JRK: variants seen among roughly 807,000 people sequenced by gnomAD.
JRK encodes Jrk helix-turn-helix protein, also known as jerky protein homolog.
For missense variants in JRK, 720 were observed against 509.2 expected (o/e 1.41, Z -3.98); for synonymous variants, 303 against 218.1 (o/e 1.39, Z -3.43).
chr8:142,664,347 A>G lies in JRK; in HGVS notation c.*5T>C, dbSNP rs782065338. 2.0e-5 allele frequency: 31 copies of G among 1,549,474 alleles called. No homozygotes were observed. The highest frequency in any genetic ancestry group is 2.4e-5 in the Non-Finnish European group (28 of 1,144,300). On this transcript the variant is annotated 3_prime_UTR_variant, in exon 2 of 2. Transcript: ENST00000612905. The stretch of plus-strand genomic sequence containing the variant: ...GCCAGTGGCCAGGGCAGGGCAGAGA[A>G]GCCATCAGTTGTCACCTGCTGTGGA...
intron 1 of JRK, among the ~76,000 whole-genome samples, chr8:142,668,320 C>T (rs1847196164): frequency 6.6e-6 from 1 of 152,212 alleles, no homozygotes; most frequent in Non-Finnish European, 1.5e-5. Flanking sequence ...GGCTTGTTGG[C>T]TGCCACCTCT....
chr8:142,647,811 G>A, the JRK span, among the ~76,000 whole-genome samples: 1 of 152,234 alleles, frequency 6.6e-6, no homozygotes, highest in Non-Finnish European at 1.5e-5. Flanking sequence ...GTAAAAGGCA[G>A]GGGTTGGAAC....
In JRK at chr8:142,660,909, C is replaced by CT; in HGVS notation, c.*3442dup. 1.0e-6 allele frequency: 1 copy of CT among 985,544 alleles called. No homozygotes were observed. The highest frequency in any genetic ancestry group is 1.7e-5 in the African/African-American group (1 of 57,356). The allele number at this position is 985,544 out of a possible 1,614,324, so 61.0% of individuals were successfully genotyped here. A position where few individuals can be genotyped will look rare whatever the true frequency, so the allele number is the denominator to read the frequency against. On this transcript the variant is annotated 3_prime_UTR_variant, in exon 2 of 2. Coordinates refer to ENST00000612905, the MANE Select transcript of JRK (RefSeq NM_003724.4). ...GGACCCTGAACCTCCTCCAAATGGA[C>CT]TTTAACTGGGGACAACTGATGACAG...
rs1342067096 is a variant in JRK, at chr8:142,657,829, T to C, written c.*6523A>G. 1 of 152,296 alleles carries C rather than the reference T, an allele frequency of 6.6e-6. No individual in the cohort carries two copies. The highest frequency in any genetic ancestry group is 1.5e-5 in the Non-Finnish European group (1 of 68,062). 9.4% of individuals were successfully genotyped at this position (152,296 alleles called of 1,614,324 possible). On this transcript the variant is annotated 3_prime_UTR_variant, in exon 2 of 2. Transcript: ENST00000612905. ...AGGGACAAACATCCAAACTGTATCA[T>C]GGCAGAAGGAGCCTGGCTCTGCCAG...
chr8:142,649,527 T>C, the JRK span, among the ~76,000 whole-genome samples: 1 of 152,216 alleles, frequency 6.6e-6, no homozygotes, highest in Admixed American at 6.5e-5. Context: ...CCTCGTTCCA[T>C]TCCCCCATGA....
downstream of JRK, among the ~76,000 whole-genome samples, chr8:142,656,373 C>A (rs887811802): frequency 6.6e-6 from 1 of 152,188 alleles, no homozygotes; most frequent in Non-Finnish European, 1.5e-5. Flanking sequence ...CCCTCAGTCA[C>A]CCTGGATGAC....
In JRK at chr8:142,660,469, T is replaced by C. The variant is rs1846880841; in HGVS notation, c.*3883A>G. On this transcript the variant is annotated 3_prime_UTR_variant, in exon 2 of 2. Transcript: ENST00000612905. ...CACCCAGGCTGGAGTGCAGAGGCCA[T>C]AACTCACTGCAGCCTCAAACTCCTG... The C allele has an allele frequency of 2.1e-6, 2 of 949,670 alleles. No homozygotes were observed. Among genetic ancestry groups the C allele is most frequent in the Non-Finnish European group, 1.3e-6 (1 of 797,216 alleles). The allele number at this position is 949,670 out of a possible 1,614,324, so 58.8% of individuals were successfully genotyped here.
In JRK at chr8:142,663,939, T is replaced by C; in HGVS notation, c.*413A>G. On this transcript the variant is annotated 3_prime_UTR_variant, in exon 2 of 2. Transcript: ENST00000612905. ...GAAGCCTGTCCAGGGGCGGTGGGCA[T>C]GGCCTCCTGTCGGCCTGGAGGGCAA... The C allele has an allele frequency of 3.0e-6, 3 of 1,003,454 alleles. No homozygotes were observed. Among genetic ancestry groups the C allele is most frequent in the Non-Finnish European group, 3.6e-6 (3 of 842,424 alleles). 62.2% of individuals were successfully genotyped at this position (1,003,454 alleles called of 1,614,324 possible). A position where few individuals can be genotyped will look rare whatever the true frequency, so the allele number is the denominator to read the frequency against.
In JRK at chr8:142,662,929, G is replaced by A; in HGVS notation, c.*1423C>T. On this transcript the variant is annotated 3_prime_UTR_variant, in exon 2 of 2. Transcript: ENST00000612905. The stretch of plus-strand genomic sequence containing the variant: ...AATCCCAGCACTTTAGAAGGATGAG[G>A]AAGGAGGATCGCTTGAGGCCAAGAG... 2 of 892,472 alleles carry A rather than the reference G, an allele frequency of 2.2e-6. No homozygotes were observed. Among genetic ancestry groups the A allele is most frequent in the Non-Finnish European group, 2.7e-6 (2 of 745,338 alleles). 55.3% of individuals were successfully genotyped at this position (892,472 alleles called of 1,614,324 possible). A position where few individuals can be genotyped will look rare whatever the true frequency, so the allele number is the denominator to read the frequency against.
chr8:142,654,815 G>A (rs115501344), downstream of JRK, among the ~76,000 whole-genome samples: 684 of 151,974 alleles, frequency 4.5e-3, 4 homozygotes, highest in African/African-American at 0.016. Context: ...CAAGAGCCTT[G>A]AGCTGCCCCA....
Position 142,663,465 on chromosome 8 carries a change from C to T in JRK, c.*887G>A, listed in dbSNP as rs1846981675. On this transcript the variant is annotated 3_prime_UTR_variant, in exon 2 of 2. Coordinates refer to ENST00000612905, the MANE Select transcript of JRK (RefSeq NM_003724.4). ...TGTTTTCAGTGACTTACGTGCAAACCTAAGACTAATCTCTGAATGTCTGAT... is the reference window on the plus strand; with the variant it reads ...TGTTTTCAGTGACTTACGTGCAAACTTAAGACTAATCTCTGAATGTCTGAT... 2 of 985,440 alleles carry T rather than the reference C, an allele frequency of 2.0e-6. No individual in the cohort carries two copies. Among genetic ancestry groups the T allele is most frequent in the Non-Finnish European group, 2.4e-6 (2 of 829,940 alleles). 61.0% of individuals were successfully genotyped at this position (985,440 alleles called of 1,614,324 possible). A position where few individuals can be genotyped will look rare whatever the true frequency, so the allele number is the denominator to read the frequency against.
chr8:142,659,108 A>G lies in JRK; in HGVS notation c.*5244T>C. 1 of 1,367,352 alleles carries G rather than the reference A, an allele frequency of 7.3e-7. No homozygotes were observed. Among genetic ancestry groups the G allele is most frequent in the East Asian group, 2.8e-5 (1 of 35,768 alleles). 84.7% of individuals were successfully genotyped at this position (1,367,352 alleles called of 1,614,324 possible). On this transcript the variant is annotated 3_prime_UTR_variant, in exon 2 of 2. Coordinates refer to ENST00000612905, the MANE Select transcript of JRK (RefSeq NM_003724.4). ...AGCCCATCAAGGTACAATGAAATAG[A>G]AAAAAGGCTGGCCAGGTGCCAAGTC...
At position 142,665,354 on chromosome 8, in the gene JRK, G is replaced by A. The variant is rs587741842; in HGVS notation, c.705C>T (p.Ile235=). The change falls in exon 2 of 2, where the codon ATC becomes ATT. Residue 235 remains isoleucine (I), a synonymous_variant. Coordinates refer to ENST00000612905, the MANE Select transcript of JRK (RefSeq NM_003724.4). ...AAGCCCTGGGACCGCTGCACTTCCC[G>A]ATGGCCAAGGGCTTGAGCCTGTGGG... The part of the protein sequence containing the change: ...TGSHRLKPLA[I]GKCSGPRAFK... The A allele has an allele frequency of 2.6e-5, 19 of 717,646 alleles. No individual in the cohort carries two copies. The highest frequency in any genetic ancestry group is 8.0e-5 in the Admixed American group (4 of 50,026). The allele number at this position is 717,646 out of a possible 1,614,324, so 44.5% of individuals were successfully genotyped here.
In JRK at chr8:142,662,831, T is replaced by C. The variant is rs1846959693; in HGVS notation, c.*1521A>G. On this transcript the variant is annotated 3_prime_UTR_variant, in exon 2 of 2. Transcript: ENST00000612905. ...ATATGAATTTAAGAGAGGAAAAGAA[T>C]TCAAGGGCAAAGCACTGAAAATAAC... The C allele has an allele frequency of 1.0e-6, 1 of 985,400 alleles. No homozygotes were observed. The highest frequency in any genetic ancestry group is 1.2e-6 in the Non-Finnish European group (1 of 829,910). 61.0% of individuals were successfully genotyped at this position (985,400 alleles called of 1,614,324 possible).
chr8:142,663,606 G>A lies in JRK; in HGVS notation c.*746C>T, dbSNP rs782648961. On this transcript the variant is annotated 3_prime_UTR_variant, in exon 2 of 2. Transcript: ENST00000612905. ...GGTCCGTGTCCTCTATCCGGGTGAT[G>A]AGCAGGGCCTGGTCAGCCACTCCTA... is the stretch of plus-strand genomic sequence containing the variant. The A allele has an allele frequency of 8.1e-6, 8 of 985,486 alleles. No individual in the cohort carries two copies. The highest frequency in any genetic ancestry group is 8.4e-6 in the Non-Finnish European group (7 of 829,942). The allele number at this position is 985,486 out of a possible 1,614,324, so 61.0% of individuals were successfully genotyped here.
In JRK at chr8:142,665,582, G is replaced by C. The variant is rs1554635775; in HGVS notation, c.477C>G (p.His159Gln). The C allele has an allele frequency of 1.4e-6, 1 of 718,538 alleles. No individual in the cohort carries two copies. The highest frequency in any genetic ancestry group is 2.6e-6 in the Non-Finnish European group (1 of 385,096). 44.5% of individuals were successfully genotyped at this position (718,538 alleles called of 1,614,324 possible). ...DASSEKQSAD[H>Q]QAAEQFCAFF... ...ACGCACAGAACTGCTCCGCGGCCTG[G>C]TGGTCGGCTGACTGCTTTTCACTGG... Residue 159 changes from histidine (H) to glutamine (Q), a missense_variant, in exon 2 of 2, where the codon CAC (histidine) becomes CAG (glutamine). By Grantham distance (24) the His-to-Gln change is conservative. Coordinates refer to ENST00000612905, the MANE Select transcript of JRK (RefSeq NM_003724.4).
At chr8:142,669,428 G>A (rs965480079) in intron 1 of JRK, among the ~76,000 whole-genome samples, 3 of 152,132 alleles carry the variant, frequency 2.0e-5, no homozygotes, top group Non-Finnish European at 1.5e-5. Context: ...CAGAGACAGC[G>A]CTGGGCTACT....
chr8:142,661,393 C>A lies in JRK; in HGVS notation c.*2959G>T. 1 of 985,436 alleles carries A rather than the reference C, an allele frequency of 1.0e-6. No homozygotes were observed. The highest frequency in any genetic ancestry group is 1.2e-6 in the Non-Finnish European group (1 of 829,944). The allele number at this position is 985,436 out of a possible 1,614,324, so 61.0% of individuals were successfully genotyped here. Reference sequence around the variant, plus strand: ...CTCCCAGAGTGGAGGCTGCCTGTCCCGAGTGAGGACACAGGAGCGCCCTCA... The same window carrying A: ...CTCCCAGAGTGGAGGCTGCCTGTCCAGAGTGAGGACACAGGAGCGCCCTCA... On this transcript the variant is annotated 3_prime_UTR_variant, in exon 2 of 2. Transcript: ENST00000612905.
At chr8:142,646,436 G>C in the JRK span, among the ~76,000 whole-genome samples, 1 of 152,162 alleles carries the variant, frequency 6.6e-6, no homozygotes, top group African/African-American at 2.4e-5. Context: ...AGATGTAGCT[G>C]TTTTTATTAA....
Sources: allele counts gnomAD v4.1 joint callset (sites outside exome capture counted in the v4.1 genomes callset), GRCh38; gene constraint gnomAD v4.1.1; transcripts MANE v1.5; gene names NCBI Gene and HGNC (gene_info 2026-07-23, HGNC 2026-07-21).